COL8A1: variants seen among roughly 807,000 people sequenced by gnomAD.
COL8A1 encodes the protein collagen type VIII alpha 1 chain, also known as collagen alpha-1(VIII) chain.
Under a neutral mutation model 42.7 loss-of-function variants are expected in COL8A1, and 21 were observed. The ratio of observed to expected loss-of-function variants is 0.49; its 90% confidence interval spans 0.35 to 0.71. The LOEUF (loss-of-function observed/expected upper bound fraction) is 0.71. Among genes scored for constraint, COL8A1 ranks in the 30% least tolerant of loss-of-function variants. The probability of loss-of-function intolerance (pLI) is 0.01; values close to 1 mark genes in which losing one functional copy is unlikely to be tolerated. For missense variants in COL8A1, 788 were observed against 962.4 expected (o/e 0.82, Z 2.40); for synonymous variants, 367 against 369.1 (o/e 0.99, Z 0.06).
intron 1 of COL8A1, among the ~76,000 whole-genome samples, chr3:99,642,691 T>C (rs949469960): frequency 6.6e-6 from 1 of 152,204 alleles, no homozygotes; most frequent in Admixed American, 6.5e-5. Flanking sequence ...ATTTCCTTTG[T>C]TCTTTCCCTG....
At position 99,735,423 on chromosome 3, in the gene COL8A1, C is replaced by T. The variant is rs1234305582; in HGVS notation, c.-128-9474C>T. ...ATTGAGATAATCATGTGGTTTTTGT[C>T]GTTGGTTCTGTTTATATGCTGGATT... On this transcript the variant is annotated intron_variant, in intron 1 of 3. Transcript: ENST00000652472. Among the ~76,000 whole-genome samples the T allele has an allele frequency of 6.0e-4, 25 of 41,596 alleles. 6 individuals carry two copies. Among genetic ancestry groups the T allele is most frequent in the Admixed American group, 4.7e-3 (25 of 5,272 alleles). The allele number at this position is 41,596 out of a possible 152,430, so 27.3% of individuals were successfully genotyped here.
chr3:99,670,561 A>C (rs1354290866), intron 1 of COL8A1, among the ~76,000 whole-genome samples: 1 of 152,090 alleles, frequency 6.6e-6, no homozygotes, highest in Non-Finnish European at 1.5e-5. Context: ...ACAGTGTGGA[A>C]TGATTAAACC....
Position 99,697,013 on chromosome 3 carries a change from G to A in COL8A1, c.-128-47884G>A, listed in dbSNP as rs1157552065. 3.5e-5 allele frequency among the ~76,000 whole-genome samples: 4 copies of A among 114,666 alleles called. No individual in the cohort carries two copies. The East Asian group carries it at 1.1e-3, about 30-fold the overall frequency. 75.2% of individuals were successfully genotyped at this position (114,666 alleles called of 152,430 possible). On this transcript the variant is annotated intron_variant, in intron 1 of 3. Coordinates refer to ENST00000652472, the MANE Select transcript of COL8A1 (RefSeq NM_020351.4). Reference sequence around the variant, plus strand: ...TTTTTTTTTTTTTTTTTGAGACGGAGTCTCGCTCTGTCGCCCAGGCTGGAG... The same window carrying A: ...TTTTTTTTTTTTTTTTTGAGACGGAATCTCGCTCTGTCGCCCAGGCTGGAG...
intron 2 of COL8A1, among the ~76,000 whole-genome samples, chr3:99,753,015 C>A (rs1273463694): frequency 6.6e-6 from 1 of 152,150 alleles, no homozygotes; most frequent in Non-Finnish European, 1.5e-5. Context: ...AGTTTTCCTT[C>A]TCAGCAAAAT....
chr3:99,705,774 C>T (rs1274018452), intron 1 of COL8A1, among the ~76,000 whole-genome samples: 2 of 151,884 alleles, frequency 1.3e-5, no homozygotes, highest in African/African-American at 4.8e-5. Context: ...AAACTCCTGC[C>T]CCCCCGGTAT....
intron 1 of COL8A1, among the ~76,000 whole-genome samples, chr3:99,648,281 C>T (rs538746536): frequency 8.5e-5 from 13 of 152,140 alleles, no homozygotes; most frequent in South Asian, 2.1e-4. Flanking sequence ...TCTTCCTGCC[C>T]GCCTGTGCTG....
At chr3:99,702,934 G>T (rs1436650505) in intron 1 of COL8A1, among the ~76,000 whole-genome samples, 1 of 152,150 alleles carries the variant, frequency 6.6e-6, no homozygotes, top group African/African-American at 2.4e-5. Context: ...TGAGCTATAA[G>T]GATTTCAAGA....
chr3:99,692,530 A>G (rs1576433115), intron 1 of COL8A1, among the ~76,000 whole-genome samples: 1 of 152,238 alleles, frequency 6.6e-6, no homozygotes, highest in South Asian at 2.1e-4. Flanking sequence ...AGTTAGTACT[A>G]TCAAAATCAG....
chr3:99,649,206 C>T (rs1415076016), intron 1 of COL8A1, among the ~76,000 whole-genome samples: 1 of 152,024 alleles, frequency 6.6e-6, no homozygotes, highest in African/African-American at 2.4e-5. Flanking sequence ...TTCAGACTCC[C>T]TAGAACTCTC....
At chr3:99,752,754 A>G (rs1941178708) in intron 2 of COL8A1, among the ~76,000 whole-genome samples, 1 of 151,264 alleles carries the variant, frequency 6.6e-6, no homozygotes, top group African/African-American at 2.4e-5. Flanking sequence ...TGAATTCATC[A>G]TACTCAATTT....
chr3:99,760,239 C>T (rs150661282), intron 2 of COL8A1, among the ~76,000 whole-genome samples: 13 of 152,192 alleles, frequency 8.5e-5, no homozygotes, highest in African/African-American at 2.9e-4. Context: ...TCTCAGAGCA[C>T]GTGAATACAT....
At chr3:99,677,631 T>A (rs566099238) in intron 1 of COL8A1, 17 of 152,316 alleles carry the variant, frequency 1.1e-4, no homozygotes, top group African/African-American at 4.1e-4. Context: ...AATTTTGAAC[T>A]AATAGAGAAT....
At chr3:99,739,645 C>T (rs1169303896) in intron 1 of COL8A1, among the ~76,000 whole-genome samples, 4 of 152,232 alleles carry the variant, frequency 2.6e-5, no homozygotes, top group African/African-American at 9.6e-5. Context: ...TGTACCTTGG[C>T]CCCTTTCAGC....
chr3:99,762,792 A>G (rs1941389178), intron 2 of COL8A1, among the ~76,000 whole-genome samples: 2 of 152,152 alleles, frequency 1.3e-5, no homozygotes, highest in African/African-American at 4.8e-5. Flanking sequence ...CATCCAGAGC[A>G]TGGTCGAGGA....
intron 2 of COL8A1, among the ~76,000 whole-genome samples, chr3:99,748,195 C>G (rs1288376073): frequency 6.6e-6 from 1 of 152,158 alleles, no homozygotes; most frequent in African/African-American, 2.4e-5. Flanking sequence ...CCCGGCTGGT[C>G]TTTGTCTTTC....
intron 2 of COL8A1, among the ~76,000 whole-genome samples, chr3:99,764,814 AAATAAGTTAACC>A (rs1941431673): frequency 6.8e-6 from 1 of 147,112 alleles, no homozygotes; most frequent in Non-Finnish European, 1.5e-5. Context: ...TCTAAGAATT[AAATAAGTTAACC>A]AATATAGGTG....
chr3:99,785,281 AG>A (rs1401471895), intron 2 of COL8A1, among the ~76,000 whole-genome samples: 1 of 152,194 alleles, frequency 6.6e-6, no homozygotes, highest in Non-Finnish European at 1.5e-5. Flanking sequence ...AAGCTGAATT[AG>A]GTATTTTTGA....
At chr3:99,774,411 T>C (rs931303690) in intron 2 of COL8A1, among the ~76,000 whole-genome samples, 2 of 152,170 alleles carry the variant, frequency 1.3e-5, no homozygotes, top group South Asian at 2.1e-4. Flanking sequence ...AAGCTATTTA[T>C]GTTTGCTACG....
At chr3:99,786,917 G>A (rs1235500924) in intron 2 of COL8A1, among the ~76,000 whole-genome samples, 1 of 152,070 alleles carries the variant, frequency 6.6e-6, no homozygotes, top group African/African-American at 2.4e-5. Flanking sequence ...CTTGCTTTAG[G>A]GTGGCAAATC....
Sources: gnomAD v4.1 joint callset for allele counts (sites outside exome capture counted in the v4.1 genomes callset) on GRCh38, gnomAD v4.1.1 for gene constraint, MANE v1.5 for transcripts, NCBI Gene and HGNC (gene_info 2026-07-23, HGNC 2026-07-21) for gene names.